NDUFAF2: variants seen among roughly 807,000 people sequenced by gnomAD.
The protein encoded by NDUFAF2 is NADH dehydrogenase [ubiquinone] 1 alpha subcomplex assembly factor 2.
NDUFAF2 carries 13 observed loss-of-function variants against 22.8 expected under a neutral mutation model. That is an observed-to-expected ratio of 0.57 (90% CI 0.37 to 0.91). The LOEUF (loss-of-function observed/expected upper bound fraction) is 0.91. NDUFAF2 is among the 40% of genes least tolerant of loss of function. NDUFAF2 has a pLI of 0.01. For missense variants in NDUFAF2, 162 were observed against 195.2 expected (o/e 0.83, Z 1.01); for synonymous variants, 53 against 64.2 (o/e 0.83, Z 0.84).
At chr5:61,149,125 C>T (rs1275747907) in intron 3 of NDUFAF2, among the ~76,000 whole-genome samples, 3 of 152,228 alleles carry the variant, frequency 2.0e-5, no homozygotes, top group East Asian at 3.9e-4. Flanking sequence ...AGTACACCAC[C>T]ACACCTGGCT....
chr5:61,127,496 A>G (rs1336003203), intron 3 of NDUFAF2, among the ~76,000 whole-genome samples: 1 of 152,098 alleles, frequency 6.6e-6, no homozygotes, highest in African/African-American at 2.4e-5. Flanking sequence ...ATCAATACAC[A>G]TAATCCAGCA....
At chr5:61,038,301 A>G (rs191196948) in intron 1 of NDUFAF2, among the ~76,000 whole-genome samples, 3 of 152,310 alleles carry the variant, frequency 2.0e-5, no homozygotes, top group Admixed American at 1.3e-4. Flanking sequence ...TATTCTGCAA[A>G]TGAGTGTAAA....
chr5:61,103,382 G>C (rs979363624), intron 3 of NDUFAF2, among the ~76,000 whole-genome samples: 6 of 151,884 alleles, frequency 4.0e-5, no homozygotes, highest in African/African-American at 1.4e-4. Context: ...ATCCTTGGTT[G>C]TTTTCCTCAC....
chr5:61,038,680 A>G (rs908361433), intron 1 of NDUFAF2, among the ~76,000 whole-genome samples: 9 of 152,204 alleles, frequency 5.9e-5, no homozygotes, highest in African/African-American at 1.2e-4. Context: ...TGAGCCACAT[A>G]CTAAAAGAAA....
chr5:60,956,412 C>T (rs1750616703), intron 1 of NDUFAF2, among the ~76,000 whole-genome samples: 1 of 152,076 alleles, frequency 6.6e-6, no homozygotes, highest in Admixed American at 6.6e-5. Context: ...GAGTAGGCAT[C>T]CTTGTCTCAT....
chr5:60,978,918 G>A (rs939430752), intron 1 of NDUFAF2, among the ~76,000 whole-genome samples: 51 of 152,142 alleles, frequency 3.4e-4, no homozygotes, highest in Non-Finnish European at 1.2e-4. Flanking sequence ...CCTGCTTGAA[G>A]AAAGGAGAAG....
intron 2 of NDUFAF2, among the ~76,000 whole-genome samples, chr5:61,095,613 C>T (rs1580131271): frequency 6.6e-6 from 1 of 152,206 alleles, no homozygotes; most frequent in East Asian, 1.9e-4. Context: ...TAGAGCTGCG[C>T]CTCTGTGCGT....
intron 1 of NDUFAF2, among the ~76,000 whole-genome samples, chr5:61,039,194 G>GCTGA (rs1485253656): frequency 6.7e-6 from 1 of 149,682 alleles, no homozygotes; most frequent in Non-Finnish European, 1.5e-5. Context: ...ATGCCAGAGT[G>GCTGA]CTGAGGACCC....
chr5:60,957,827 A>G (rs186001020), intron 1 of NDUFAF2, among the ~76,000 whole-genome samples: 21 of 152,272 alleles, frequency 1.4e-4, no homozygotes, highest in African/African-American at 4.3e-4. Context: ...GCTCATTGGG[A>G]CACTGACCAT....
chr5:61,023,456 C>T (rs1340139745), intron 1 of NDUFAF2, among the ~76,000 whole-genome samples: 2 of 151,740 alleles, frequency 1.3e-5, no homozygotes, highest in African/African-American at 4.8e-5. Flanking sequence ...GTGATGGTTT[C>T]TTCAATTTAT....
At chr5:61,144,692 A>G (rs1741110346) in intron 3 of NDUFAF2, among the ~76,000 whole-genome samples, 1 of 152,270 alleles carries the variant, frequency 6.6e-6, no homozygotes. Flanking sequence ...AATACTCATC[A>G]AGTAATCTAA....
chr5:61,062,269 C>T (rs142134312), intron 1 of NDUFAF2, among the ~76,000 whole-genome samples: 1 of 152,122 alleles, frequency 6.6e-6, no homozygotes, highest in African/African-American at 2.4e-5. Flanking sequence ...CCTGAGGAAA[C>T]TCATTAAGAA....
intron 1 of NDUFAF2, among the ~76,000 whole-genome samples, chr5:60,987,802 A>C (rs1346363236): frequency 6.6e-6 from 1 of 152,198 alleles, no homozygotes; most frequent in East Asian, 1.9e-4. Flanking sequence ...AACTATGACA[A>C]ACCCTCAGCC....
At chr5:61,020,858 G>A (rs1404752528) in intron 1 of NDUFAF2, among the ~76,000 whole-genome samples, 1 of 152,020 alleles carries the variant, frequency 6.6e-6, no homozygotes, top group African/African-American at 2.4e-5. Context: ...ACCACGCCCA[G>A]CTAATTTTTG....
intron 1 of NDUFAF2, among the ~76,000 whole-genome samples, chr5:60,990,439 TAA>T (rs1232500559): frequency 6.6e-6 from 1 of 152,024 alleles, no homozygotes; most frequent in African/African-American, 2.4e-5. Flanking sequence ...AATTAAAAAT[TAA>T]AAAGTGAAAT....
At chr5:61,069,697 T>C (rs1042025490) in intron 1 of NDUFAF2, among the ~76,000 whole-genome samples, 2 of 152,124 alleles carry the variant, frequency 1.3e-5, no homozygotes, top group African/African-American at 2.4e-5. Context: ...TCCCAGAAGC[T>C]CAGTAGTACA....
chr5:60,996,678 G>A lies in NDUFAF2; in HGVS notation c.127+51296G>A, dbSNP rs528570309. ...GGAGACAAGAGTGCTACAGGCCTTG[G>A]TGGTGAGGTTTGCAAGTACTTAAGT... On this transcript the variant is annotated intron_variant, in intron 1 of 3. Coordinates refer to ENST00000296597, the MANE Select transcript of NDUFAF2 (RefSeq NM_174889.5). Among the ~76,000 whole-genome samples the A allele has an allele frequency of 7.2e-5, 11 of 152,294 alleles. No homozygotes were observed. In the South Asian group the frequency reaches 2.3e-3, roughly 32 times the overall value.
intron 1 of NDUFAF2, among the ~76,000 whole-genome samples, chr5:61,016,851 T>C (rs1195633213): frequency 6.6e-6 from 1 of 152,190 alleles, no homozygotes; most frequent in African/African-American, 2.4e-5. Flanking sequence ...CTGTGTAACC[T>C]TGACCTCTCA....
Position 61,083,477 on chromosome 5 carries a change from T to A in NDUFAF2, c.217+10263T>A, listed in dbSNP as rs908448482. Reference sequence around the variant, plus strand: ...TTCAAGCAATTCTCCTGCCTCAGCCTCATGAGTAGCTGGATTACAAGCACA... The same window carrying A: ...TTCAAGCAATTCTCCTGCCTCAGCCACATGAGTAGCTGGATTACAAGCACA... On this transcript the variant is annotated intron_variant, in intron 2 of 3. Transcript: ENST00000296597. 3.3e-5 allele frequency: 5 copies of A among 152,208 alleles called. No individual in the cohort carries two copies. The East Asian group carries it at 9.6e-4, about 29-fold the overall frequency. The allele number at this position is 152,208 out of a possible 1,614,324, so 9.4% of individuals were successfully genotyped here.
Sources: gnomAD v4.1 joint callset for allele counts (sites outside exome capture counted in the v4.1 genomes callset) on GRCh38, gnomAD v4.1.1 for gene constraint, MANE v1.5 for transcripts, NCBI Gene and HGNC (gene_info 2026-07-23, HGNC 2026-07-21) for gene names.